The following MAP3K7CL variants were observed in gnomAD, a reference collection of about 807,000 sequenced individuals.
MAP3K7CL encodes the protein MAP3K7 C-terminal-like protein.
Under a neutral mutation model 18.6 loss-of-function variants are expected in MAP3K7CL, and 16 were observed. That is an observed-to-expected ratio of 0.86 (90% CI 0.58 to 1.31). The LOEUF (loss-of-function observed/expected upper bound fraction) is 1.31, where lower values mean the gene tolerates loss of function less well. Ranked by LOEUF, MAP3K7CL falls within the 50% of genes most tolerant of loss-of-function variation. MAP3K7CL has a pLI of 0.00. For missense variants in MAP3K7CL, 163 were observed against 174.4 expected (o/e 0.93, Z 0.37); for synonymous variants, 65 against 66.8 (o/e 0.97, Z 0.13).
At chr21:29,125,658 G>A (rs567993030), upstream of MAP3K7CL, among the ~76,000 whole-genome samples, 9 of 152,212 alleles carry the variant, frequency 5.9e-5, no homozygotes, top group East Asian at 5.8e-4. Context: ...TGTTTTTGTC[G>A]TTGAGCCTTG....
chr21:29,115,504 GC>G (rs921981559), intron 4 of MAP3K7CL, among the ~76,000 whole-genome samples: 1 of 152,190 alleles, frequency 6.6e-6, no homozygotes, highest in Admixed American at 6.5e-5. Context: ...AGTGCAGGGG[GC>G]CAGAGTGGTC....
At chr21:29,110,706 A>G (rs1202219203) in intron 4 of MAP3K7CL, among the ~76,000 whole-genome samples, 2 of 151,916 alleles carry the variant, frequency 1.3e-5, no homozygotes, top group Admixed American at 1.3e-4. Context: ...CCATCTCTGT[A>G]CCTTTTTGTT....
At chr21:29,155,717 C>T (rs968127659) in intron 3 of MAP3K7CL, among the ~76,000 whole-genome samples, 3 of 152,280 alleles carry the variant, frequency 2.0e-5, no homozygotes, top group African/African-American at 7.2e-5. Flanking sequence ...AAATATTAAG[C>T]CCTTGCGAGC....
intron 4 of MAP3K7CL, among the ~76,000 whole-genome samples, chr21:29,099,231 C>T (rs1410023468): frequency 1.3e-5 from 2 of 150,340 alleles, no homozygotes; most frequent in Non-Finnish European, 3.0e-5. Context: ...GCTGGGACTA[C>T]ATGTGTACAC....
At chr21:29,101,020 T>G (rs1056790518) in intron 4 of MAP3K7CL, among the ~76,000 whole-genome samples, 2 of 151,800 alleles carry the variant, frequency 1.3e-5, no homozygotes, top group African/African-American at 2.4e-5. Flanking sequence ...TCCCTCTTTT[T>G]TTTTTTTTTT....
intron 4 of MAP3K7CL, among the ~76,000 whole-genome samples, chr21:29,124,260 A>G (rs146374639): frequency 0.063 from 9,449 of 149,086 alleles, 425 homozygotes; most frequent in Non-Finnish European, 0.093. Flanking sequence ...AGGCTGAGGC[A>G]GGAGAATCGT....
intron 2 of MAP3K7CL, among the ~76,000 whole-genome samples, chr21:29,144,720 A>G (rs911606226): frequency 3.3e-5 from 5 of 152,168 alleles, no homozygotes; most frequent in African/African-American, 1.2e-4. Flanking sequence ...TTCTCTGTTA[A>G]CTGATTGCTA....
intron 4 of MAP3K7CL, among the ~76,000 whole-genome samples, chr21:29,103,805 G>A (rs1296025085): frequency 6.6e-6 from 1 of 151,898 alleles, no homozygotes; most frequent in Non-Finnish European, 1.5e-5. Flanking sequence ...AGGCTGAGTT[G>A]GGAGGATTAC....
At chr21:29,147,187 T>A (rs2087146761) in intron 2 of MAP3K7CL, among the ~76,000 whole-genome samples, 1 of 152,158 alleles carries the variant, frequency 6.6e-6, no homozygotes, top group African/African-American at 2.4e-5. Flanking sequence ...GTATGTGTAC[T>A]GTATATGCAT....
chr21:29,134,040 G>A lies in MAP3K7CL; in HGVS notation c.70+626G>A, dbSNP rs534185387. Among the ~76,000 whole-genome samples, 7 of 152,328 alleles carry A rather than the reference G, an allele frequency of 4.6e-5. No homozygotes were observed. The South Asian group carries it at 1.5e-3, about 32-fold the overall frequency. On this transcript the variant is annotated intron_variant, in intron 2 of 4. Coordinates refer to ENST00000399928, the MANE Select transcript of MAP3K7CL (RefSeq NM_001286620.2). ...TTTTGAACAAAAGACCTCATGTGGCGGGAGGTCACGGTGCTGAGGAAAGGA... is the reference window on the plus strand; with the variant it reads ...TTTTGAACAAAAGACCTCATGTGGCAGGAGGTCACGGTGCTGAGGAAAGGA...
chr21:29,164,695 A>G (rs1173848952), intron 4 of MAP3K7CL, among the ~76,000 whole-genome samples: 2 of 152,170 alleles, frequency 1.3e-5, no homozygotes, highest in Non-Finnish European at 2.9e-5. Context: ...AATTTAAAGA[A>G]TCGCTTCTGG....
chr21:29,150,323 CA>C (rs2087239621), intron 3 of MAP3K7CL, among the ~76,000 whole-genome samples: 1 of 152,162 alleles, frequency 6.6e-6, no homozygotes, highest in Admixed American at 6.5e-5. Flanking sequence ...AACCTGGCAG[CA>C]ACCAGGTCAG....
chr21:29,082,050 CAG>C (rs1457358421), upstream of MAP3K7CL, among the ~76,000 whole-genome samples: 1 of 152,156 alleles, frequency 6.6e-6, no homozygotes, highest in African/African-American at 2.4e-5. Flanking sequence ...ATGAATAAAA[CAG>C]GGATGTTTTG....
At chr21:29,127,672 A>T (rs926723544), upstream of MAP3K7CL, 10 of 152,168 alleles carry the variant, frequency 6.6e-5, no homozygotes, top group African/African-American at 2.4e-4. Context: ...CTTTTAATGA[A>T]ATCTTTTTCT....
intron 4 of MAP3K7CL, among the ~76,000 whole-genome samples, chr21:29,093,624 G>A (rs536406613): frequency 4.1e-4 from 62 of 151,972 alleles, no homozygotes; most frequent in African/African-American, 1.5e-3. Flanking sequence ...TGGGACTGCC[G>A]GCACCCGCCA....
At chr21:29,083,024 C>T (rs1450564886), upstream of MAP3K7CL, among the ~76,000 whole-genome samples, 2 of 151,834 alleles carry the variant, frequency 1.3e-5, no homozygotes, top group Non-Finnish European at 2.9e-5. Flanking sequence ...CATCATTCTT[C>T]GTGTCACAGA....
rs1472963573 is a variant in MAP3K7CL at position 29,091,551 on chromosome 21, C to T, written c.108C>T (p.His36=). 4.3e-6 allele frequency: 3 copies of T among 701,618 alleles called. No individual in the cohort carries two copies. In the South Asian group the frequency reaches 4.4e-5, roughly 10 times the overall value. 43.5% of individuals were successfully genotyped at this position (701,618 alleles called of 1,614,324 possible). The change falls in exon 2 of 7, where the codon CAC becomes CAT. Residue 36 remains histidine, a synonymous_variant. Coordinates refer to the MAP3K7CL transcript ENST00000286791. The stretch of plus-strand genomic sequence containing the variant: ...AATGCAGTGGTGGAATCATGGCTCA[C>T]TACAGCCCTGACCTCCTGGGCCCAG...
chr21:29,112,848 A>G (rs1345968463), intron 4 of MAP3K7CL, among the ~76,000 whole-genome samples: 1 of 149,504 alleles, frequency 6.7e-6, no homozygotes, highest in African/African-American at 2.5e-5. Context: ...TTTGAGATGG[A>G]GTCTCACTCT....
intron 4 of MAP3K7CL, among the ~76,000 whole-genome samples, chr21:29,163,798 C>G (rs747045987): frequency 6.6e-6 from 1 of 150,728 alleles, no homozygotes; most frequent in Non-Finnish European, 1.5e-5. Flanking sequence ...TGAGCTCAAG[C>G]AACTCTCCCA....
Sources: allele counts gnomAD v4.1 joint callset (sites outside exome capture counted in the v4.1 genomes callset), GRCh38; gene constraint gnomAD v4.1.1; transcripts MANE v1.5; gene names NCBI Gene and HGNC (gene_info 2026-07-23, HGNC 2026-07-21).